The following FTCDNL1 variants were observed in gnomAD, a reference collection of about 807,000 sequenced individuals.
The protein encoded by FTCDNL1 is formiminotransferase N-terminal subdomain-containing protein.
A neutral mutation model predicts 5.9 loss-of-function variants in FTCDNL1; 11 were observed. The ratio of observed to expected loss-of-function variants is 1.87; its 90% CI spans 1.18 to 3.10. FTCDNL1 has a LOEUF of 3.10. FTCDNL1 is among the 30% of genes most tolerant of loss of function. The pLI is 0.00. For synonymous variants in FTCDNL1, 58 were observed against 24.8 expected, an observed-to-expected ratio of 2.34 and a Z score of -3.99; for missense variants, 115 against 65.5, an observed-to-expected ratio of 1.76 and a Z score of -2.61.
chr2:199,712,026 A>G, the FTCDNL1 span, among the ~76,000 whole-genome samples: 1 of 152,166 alleles, frequency 6.6e-6, no homozygotes, highest in Non-Finnish European at 1.5e-5. Flanking sequence ...AGGAGAATCC[A>G]AAAAGCTTCT....
At chr2:199,766,868 G>A (rs1698563113) in intron 3 of FTCDNL1, among the ~76,000 whole-genome samples, 2 of 152,108 alleles carry the variant, frequency 1.3e-5, no homozygotes, top group African/African-American at 4.8e-5. Context: ...TCCTCTTGGT[G>A]TCTAGACAAT....
chr2:199,695,726 G>A, the FTCDNL1 span, among the ~76,000 whole-genome samples: 3 of 152,332 alleles, frequency 2.0e-5, no homozygotes, highest in Non-Finnish European at 4.4e-5. Context: ...CATTTGAGCT[G>A]GCAGGGAGAG....
intron 3 of FTCDNL1, among the ~76,000 whole-genome samples, chr2:199,802,370 T>C (rs1304630787): frequency 6.6e-6 from 1 of 152,226 alleles, no homozygotes; most frequent in Non-Finnish European, 1.5e-5. Context: ...CTTTACAGTC[T>C]AGCCAGCAAA....
the FTCDNL1 span, among the ~76,000 whole-genome samples, chr2:199,717,509 A>ATTTTTTTTT: frequency 4.5e-4 from 26 of 57,686 alleles, 5 homozygotes; most frequent in African/African-American, 1.8e-3. Flanking sequence ...CAAGGCAGAG[A>ATTTTTTTTT]TTTTTTTTTT....
At chr2:199,674,697 A>T in the FTCDNL1 span, among the ~76,000 whole-genome samples, 2 of 152,192 alleles carry the variant, frequency 1.3e-5, no homozygotes, top group Non-Finnish European at 2.9e-5. Context: ...TTTTGTCAAA[A>T]TGTAATTAGG....
At chr2:199,797,176 T>C (rs1037359485) in intron 3 of FTCDNL1, among the ~76,000 whole-genome samples, 17 of 152,356 alleles carry the variant, frequency 1.1e-4, no homozygotes, top group Admixed American at 9.8e-4. Flanking sequence ...AGATACACTT[T>C]CAATTTCATT....
chr2:199,716,431 C>T, the FTCDNL1 span, among the ~76,000 whole-genome samples: 697 of 152,244 alleles, frequency 4.6e-3, 6 homozygotes, highest in African/African-American at 0.016. Context: ...GTTTGGATGA[C>T]ATTTTCCAAA....
At chr2:199,731,748 C>T in the FTCDNL1 span, among the ~76,000 whole-genome samples, 5,856 of 151,998 alleles carry the variant, frequency 0.039, 161 homozygotes, top group Non-Finnish European at 0.063. Flanking sequence ...ATTAGCCGGG[C>T]GTAGTGGCGG....
At chr2:199,761,388 G>A (rs1559166022) in intron 3 of FTCDNL1, among the ~76,000 whole-genome samples, 1 of 152,164 alleles carries the variant, frequency 6.6e-6, no homozygotes, top group Non-Finnish European at 1.5e-5. Context: ...GACCCAGGCT[G>A]GTTGGATGAG....
At chr2:199,841,264 GTAATCCCAGC>G (rs1470433794) in intron 3 of FTCDNL1, among the ~76,000 whole-genome samples, 1 of 152,184 alleles carries the variant, frequency 6.6e-6, no homozygotes, top group East Asian at 1.9e-4. Context: ...GCTCACACCT[GTAATCCCAGC>G]TACTGGGAAG....
At chr2:199,762,645 T>C (rs1040410262) in intron 3 of FTCDNL1, among the ~76,000 whole-genome samples, 4 of 152,228 alleles carry the variant, frequency 2.6e-5, no homozygotes, top group Non-Finnish European at 4.4e-5. Flanking sequence ...AATAAATGAA[T>C]GAGTTTTTGC....
chr2:199,674,205 C>T, the FTCDNL1 span, among the ~76,000 whole-genome samples: 1 of 151,776 alleles, frequency 6.6e-6, no homozygotes, highest in Non-Finnish European at 1.5e-5. Context: ...ACTGAGTAGA[C>T]AAAATAATGG....
the FTCDNL1 span, among the ~76,000 whole-genome samples, chr2:199,687,754 A>C: frequency 6.6e-6 from 1 of 152,240 alleles, no homozygotes; most frequent in Non-Finnish European, 1.5e-5. Context: ...AGTACCAGTA[A>C]GCATAAATAA....
the FTCDNL1 span, among the ~76,000 whole-genome samples, chr2:199,746,519 A>AGGAGGTCGGCATCTAGTATTTAGAT: frequency 2.0e-5 from 3 of 152,020 alleles, no homozygotes; most frequent in African/African-American, 7.2e-5. Flanking sequence ...GAGCCCTATG[A>AGGAGGTCGGCATCTAGTATTTAGAT]GGAGGTCGGC....
intron 3 of FTCDNL1, among the ~76,000 whole-genome samples, chr2:199,828,350 A>G (rs1400865382): frequency 6.6e-6 from 1 of 152,244 alleles, no homozygotes; most frequent in African/African-American, 2.4e-5. Context: ...CTTAAAGAAG[A>G]TAATAATTCT....
At chr2:199,750,026 C>A in the FTCDNL1 span, among the ~76,000 whole-genome samples, 1 of 149,946 alleles carries the variant, frequency 6.7e-6, no homozygotes, top group Non-Finnish European at 1.5e-5. Flanking sequence ...TAGTATGTAC[C>A]CCCAAAAATT....
intron 3 of FTCDNL1, among the ~76,000 whole-genome samples, chr2:199,784,544 A>G (rs1235245987): frequency 6.6e-6 from 1 of 152,162 alleles, no homozygotes; most frequent in Admixed American, 6.5e-5. Context: ...ACTCTCAAAA[A>G]CAATACCTGT....
At chr2:199,719,418 G>A in the FTCDNL1 span, among the ~76,000 whole-genome samples, 1 of 152,054 alleles carries the variant, frequency 6.6e-6, no homozygotes, top group Non-Finnish European at 1.5e-5. Flanking sequence ...TGCTGTTTTG[G>A]TTACTATAGC....
At chr2:199,756,887 G>C (rs1160613273), downstream of FTCDNL1, among the ~76,000 whole-genome samples, 1 of 152,156 alleles carries the variant, frequency 6.6e-6, no homozygotes, top group African/African-American at 2.4e-5. Context: ...CTGGCACAGG[G>C]AAAGAGGAAT....
Sources: gnomAD v4.1 joint callset for allele counts (sites outside exome capture counted in the v4.1 genomes callset) on GRCh38, gnomAD v4.1.1 for gene constraint, MANE v1.5 for transcripts, NCBI Gene and HGNC (gene_info 2026-07-23, HGNC 2026-07-21) for gene names.